DTNB: variants seen among roughly 807,000 people sequenced by gnomAD.
DTNB encodes dystrobrevin beta.
A neutral mutation model predicts 90.7 loss-of-function variants in DTNB; 63 were observed. The ratio of observed to expected loss-of-function variants is 0.69; its 90% CI spans 0.57 to 0.86. The LOEUF (loss-of-function observed/expected upper bound fraction) is 0.86. DTNB is among the 40% of genes least tolerant of loss of function. The pLI is 0.00. For missense variants in DTNB, 744 were observed against 807.1 expected (o/e 0.92, Z 0.95); for synonymous variants, 277 against 286.7 (o/e 0.97, Z 0.34).
At chr2:25,527,213 A>G (rs1028370311) in intron 9 of DTNB, among the ~76,000 whole-genome samples, 2 of 152,126 alleles carry the variant, frequency 1.3e-5, no homozygotes, top group African/African-American at 4.8e-5. Context: ...GAGTAAGCTA[A>G]CCATGCCTTT....
chr2:25,551,796 C>A (rs554478445), intron 8 of DTNB, among the ~76,000 whole-genome samples: 194 of 152,308 alleles, frequency 1.3e-3, no homozygotes, highest in African/African-American at 4.5e-3. Flanking sequence ...TCTGCATTTT[C>A]TTTAGCCTCT....
At chr2:25,665,241 T>G (rs1019794924) in intron 1 of DTNB, among the ~76,000 whole-genome samples, 2 of 152,210 alleles carry the variant, frequency 1.3e-5, no homozygotes, top group African/African-American at 2.4e-5. Context: ...CTCAGCTACG[T>G]CAAAGCATCC....
Position 25,618,472 on chromosome 2 carries a change from T to C in DTNB, c.362+9699A>G, listed in dbSNP as rs187306223. ...ATGTCCATGTTTTCACTACTTCCAA[T>C]GTAAAGTCCAAGTTTATACCAGAAT... On this transcript the variant is annotated intron_variant, in intron 4 of 20. Transcript: ENST00000406818. Among the ~76,000 whole-genome samples the C allele has an allele frequency of 8.7e-4, 132 of 152,316 alleles. 1 individual carries two copies. The highest frequency in any genetic ancestry group is 3.0e-3 in the African/African-American group (123 of 41,580).
intron 8 of DTNB, among the ~76,000 whole-genome samples, chr2:25,544,767 A>G (rs2082073702): frequency 6.6e-6 from 1 of 152,192 alleles, no homozygotes; most frequent in African/African-American, 2.4e-5. Flanking sequence ...CCTTATTATA[A>G]GCTCACCAAA....
chr2:25,526,362 A>AATATATATAT (rs1273988960), intron 9 of DTNB, among the ~76,000 whole-genome samples: 4 of 99,788 alleles, frequency 4.0e-5, no homozygotes, highest in African/African-American at 1.3e-4. Flanking sequence ...AATATATATA[A>AATATATATAT]ATATATATAT....
At chr2:25,485,191 TA>T (rs2065873070) in intron 9 of DTNB, among the ~76,000 whole-genome samples, 2 of 152,188 alleles carry the variant, frequency 1.3e-5, no homozygotes, top group African/African-American at 2.4e-5. Flanking sequence ...TAATAAATAA[TA>T]GAGACAAGGT....
intron 9 of DTNB, among the ~76,000 whole-genome samples, chr2:25,505,537 T>C (rs2072176874): frequency 6.6e-6 from 1 of 152,204 alleles, no homozygotes; most frequent in African/African-American, 2.4e-5. Flanking sequence ...TATGTCTTGA[T>C]TTATTTAGAA....
chr2:25,632,192 C>CA (rs71399307), intron 3 of DTNB, among the ~76,000 whole-genome samples: 3,511 of 76,600 alleles, frequency 0.046, 227 homozygotes, highest in African/African-American at 0.12. Flanking sequence ...GACTCTGTCT[C>CA]AAAAAAAAAA....
chr2:25,673,133 C>A (rs991439873), intron 1 of DTNB, among the ~76,000 whole-genome samples: 9 of 151,698 alleles, frequency 5.9e-5, no homozygotes, highest in African/African-American at 2.2e-4. Context: ...CCCCGATACC[C>A]CTCCCGGCCC....
intron 10 of DTNB, among the ~76,000 whole-genome samples, chr2:25,466,342 C>T (rs2061775970): frequency 1.3e-5 from 2 of 152,184 alleles, no homozygotes; most frequent in South Asian, 4.2e-4. Context: ...CTCAAACAAA[C>T]AAACAAAAAG....
At chr2:25,406,451 C>T (rs1240935269) in intron 16 of DTNB, among the ~76,000 whole-genome samples, 1 of 151,168 alleles carries the variant, frequency 6.6e-6, no homozygotes. Context: ...AGGAGAATCG[C>T]TTGAACCTGG....
intron 16 of DTNB, 43 bp from the exon 17 acceptor site, chr2:25,388,404 A>C (rs1451821945): frequency 1.9e-6 from 3 of 1,556,660 alleles, no homozygotes; most frequent in Non-Finnish European, 2.6e-6. Context: ...CAAGTACCTG[A>C]CCTCTTTGAG....
Position 25,638,997 on chromosome 2 carries a change from G to C in DTNB, c.148+17C>G, listed in dbSNP as rs1285809634. ...AACTCTATCCAGCTATCACAGAAAT[G>C]AGTAGAAATGACTCACGGTTGCATC... On this transcript the variant is annotated intron_variant, in intron 3 of 20. Coordinates refer to ENST00000406818, the MANE Select transcript of DTNB (RefSeq NM_021907.5). 6.4e-7 allele frequency: 1 copy of C among 1,562,104 alleles called. No homozygotes were observed. The highest frequency in any genetic ancestry group is 8.7e-7 in the Non-Finnish European group (1 of 1,147,588).
rs1486289743 is a variant in DTNB, at chr2:25,576,265, G to A, written c.876+573C>T. Among the ~76,000 whole-genome samples the A allele has an allele frequency of 4.4e-3, 505 of 115,170 alleles. 2 individuals are homozygous for A. The highest frequency in any genetic ancestry group is 5.5e-3 in the Non-Finnish European group (334 of 60,292). The allele number at this position is 115,170 out of a possible 152,430, so 75.6% of individuals were successfully genotyped here. A position where few individuals can be genotyped will look rare whatever the true frequency, so the allele number is the denominator to read the frequency against. ...TTTTGAGACAGAGTCTTACTCTGTT[G>A]CCCAGGCTGGAGTGCAGTGGCGCAA... On this transcript the variant is annotated intron_variant, in intron 8 of 20. Coordinates refer to ENST00000406818, the MANE Select transcript of DTNB (RefSeq NM_021907.5).
intron 10 of DTNB, 108 bp downstream of exon 10, chr2:25,482,688 C>T (rs1219184402): frequency 9.2e-7 from 1 of 1,090,626 alleles, no homozygotes; most frequent in East Asian, 2.4e-5. Context: ...CAAACCAGTC[C>T]TTTCTGCCCT....
intron 19 of DTNB, among the ~76,000 whole-genome samples, chr2:25,382,278 C>A (rs1054617723): frequency 1.3e-5 from 2 of 152,116 alleles, no homozygotes; most frequent in African/African-American, 4.8e-5. Context: ...TTGATTTGTT[C>A]ATTTATTGAC....
chr2:25,429,631 G>A (rs983406401), intron 14 of DTNB, among the ~76,000 whole-genome samples: 2 of 152,124 alleles, frequency 1.3e-5, no homozygotes, highest in African/African-American at 4.8e-5. Flanking sequence ...CTACCATGAT[G>A]CAAAATCCTT....
intron 9 of DTNB, among the ~76,000 whole-genome samples, chr2:25,504,070 C>T (rs997483208): frequency 3.9e-5 from 6 of 152,122 alleles, no homozygotes; most frequent in African/African-American, 1.2e-4. Flanking sequence ...GAATTCGAGA[C>T]CAGTCTGGCC....
At chr2:25,598,253 C>T (rs958408301) in intron 5 of DTNB, among the ~76,000 whole-genome samples, 1 of 152,046 alleles carries the variant, frequency 6.6e-6, no homozygotes, top group African/African-American at 2.4e-5. Context: ...GCTCCAGCTG[C>T]CATCTTGCAC....
Sources: gnomAD v4.1 joint callset for allele counts (sites outside exome capture counted in the v4.1 genomes callset) on GRCh38, gnomAD v4.1.1 for gene constraint, MANE v1.5 for transcripts, NCBI Gene and HGNC (gene_info 2026-07-23, HGNC 2026-07-21) for gene names.